Variants in LRP1B observed in about 807,000 individuals in gnomAD.
LRP1B encodes low-density lipoprotein receptor-related protein 1B.
In LRP1B, 217 loss-of-function variants were observed where a neutral mutation model predicts 556.6. The ratio of observed to expected loss-of-function variants is 0.39; its 90% CI spans 0.35 to 0.44. LRP1B has a LOEUF of 0.44. Ranked by LOEUF, LRP1B falls within the 20% of genes least tolerant of loss-of-function variation. The probability of loss-of-function intolerance (pLI) is 1.00; values close to 1 mark genes in which losing one functional copy is unlikely to be tolerated. For missense variants in LRP1B, 5,053 were observed against 5,620.8 expected (o/e 0.90, Z 3.23); for synonymous variants, 2,047 against 1,865.8 (o/e 1.10, Z -2.50).
intron 31 of LRP1B, among the ~76,000 whole-genome samples, chr2:140,819,230 C>A (rs1431981385): frequency 1.3e-5 from 2 of 152,102 alleles, no homozygotes; most frequent in Non-Finnish European, 2.9e-5. Context: ...CAAGCTAAGG[C>A]TCTATTCTAA....
At position 140,231,744 on chromosome 2, in the gene LRP1B, C is replaced by T. The variant is rs1680480376; in HGVS notation, c.*1442G>A. 6.6e-6 allele frequency: 1 copy of T among 151,338 alleles called. No individual in the cohort carries two copies. The highest frequency in any genetic ancestry group is 2.4e-5 in the African/African-American group (1 of 41,174). 9.4% of individuals were successfully genotyped at this position (151,338 alleles called of 1,614,324 possible). On this transcript the variant is annotated 3_prime_UTR_variant, in exon 91 of 91. Transcript: ENST00000389484. ...AACAGCAGTTTTTTTAATGCTTGTA[C>T]AAAGGGATAAAGAGCAACCACATAT...
At chr2:142,061,382 C>T (rs1175750600) in intron 1 of LRP1B, among the ~76,000 whole-genome samples, 1 of 151,938 alleles carries the variant, frequency 6.6e-6, no homozygotes, top group Non-Finnish European at 1.5e-5. Flanking sequence ...CAAGTCTGTT[C>T]CGAAACACAC....
chr2:140,544,482 C>A (rs1407151864), intron 43 of LRP1B, among the ~76,000 whole-genome samples: 1 of 152,066 alleles, frequency 6.6e-6, no homozygotes, highest in Non-Finnish European at 1.5e-5. Flanking sequence ...TCACCCTCTG[C>A]CCTCCAGTGG....
chr2:141,632,490 G>A (rs1487345246), intron 2 of LRP1B, among the ~76,000 whole-genome samples: 1 of 152,074 alleles, frequency 6.6e-6, no homozygotes, highest in African/African-American at 2.4e-5. Flanking sequence ...TTTCCGGGAG[G>A]CATTTCGACA....
At position 140,495,703 on chromosome 2, in the gene LRP1B, A is replaced by G; in HGVS notation, c.8896T>C (p.Cys2966Arg). ...GFQLKDDGKT[C>R]VDIDECSSGF... is the part of the protein sequence containing the mutation. ...GAAGAGCATTCATCAATGTCTACAC[A>G]TGTTTTGCCGTCATCCTTCAGTTGG... The change falls in exon 56 of 91, where the codon TGT (cysteine) becomes CGT (arginine). Residue 2966 changes from cysteine to arginine, a missense_variant. This residue lies in a region of LRP1B where 3,619 missense variants were observed against 3,931.9 expected (regional missense o/e 0.92). Transcript: ENST00000389484. 6.2e-7 allele frequency: 1 copy of G among 1,613,472 alleles called. No homozygotes were observed. Among genetic ancestry groups the G allele is most frequent in the Non-Finnish European group, 8.5e-7 (1 of 1,179,504 alleles).
At chr2:141,637,370 T>G (rs1371272477) in intron 2 of LRP1B, among the ~76,000 whole-genome samples, 1 of 152,204 alleles carries the variant, frequency 6.6e-6, no homozygotes, top group African/African-American at 2.4e-5. Flanking sequence ...CAATTAAAAT[T>G]AACTATTTAG....
At chr2:140,407,837 C>T (rs777625602) in intron 66 of LRP1B, among the ~76,000 whole-genome samples, 1 of 151,730 alleles carries the variant, frequency 6.6e-6, no homozygotes, top group African/African-American at 2.4e-5. Flanking sequence ...GGTACCTATC[C>T]AAAAGAAAAG....
chr2:141,639,422 A>AT (rs1422219990), intron 2 of LRP1B, among the ~76,000 whole-genome samples: 7 of 128,966 alleles, frequency 5.4e-5, no homozygotes, highest in South Asian at 2.6e-4. Context: ...ATATATATAT[A>AT]TTTTTTTTTG....
intron 2 of LRP1B, among the ~76,000 whole-genome samples, chr2:141,788,836 G>C (rs956982418): frequency 6.6e-6 from 1 of 151,976 alleles, no homozygotes; most frequent in Admixed American, 6.6e-5. Flanking sequence ...ATGGTTTCCA[G>C]CTTCATCCAT....
chr2:141,436,742 A>G (rs1680780198), intron 3 of LRP1B, among the ~76,000 whole-genome samples: 1 of 152,140 alleles, frequency 6.6e-6, no homozygotes, highest in South Asian at 2.1e-4. Context: ...TTGTAGATAA[A>G]TTGTTTTAGT....
intron 2 of LRP1B, among the ~76,000 whole-genome samples, chr2:141,679,625 GA>G (rs1691032552): frequency 6.6e-6 from 1 of 152,010 alleles, no homozygotes; most frequent in South Asian, 2.1e-4. Flanking sequence ...TGTGAGCAAA[GA>G]AATATAAATA....
At chr2:140,787,818 T>G (rs560898537) in intron 32 of LRP1B, among the ~76,000 whole-genome samples, 2 of 152,126 alleles carry the variant, frequency 1.3e-5, no homozygotes, top group East Asian at 3.9e-4. Context: ...CAAGTGATCT[T>G]CCTGCCTTGG....
intron 2 of LRP1B, among the ~76,000 whole-genome samples, chr2:141,713,838 T>A (rs538648123): frequency 6.6e-6 from 1 of 152,290 alleles, no homozygotes; most frequent in East Asian, 1.9e-4. Flanking sequence ...TGCTTGAAGA[T>A]CAGTCAAGTG....
intron 77 of LRP1B, among the ~76,000 whole-genome samples, chr2:140,336,923 A>C (rs1681133223): frequency 6.6e-6 from 1 of 151,884 alleles, no homozygotes; most frequent in Non-Finnish European, 1.5e-5. Context: ...GCAAGAGTAG[A>C]AACAATTATT....
chr2:142,117,291 G>A (rs73963448), intron 1 of LRP1B, among the ~76,000 whole-genome samples: 3,511 of 152,152 alleles, frequency 0.023, 58 homozygotes, highest in African/African-American at 0.039. Flanking sequence ...TCTCTCCCCC[G>A]ATTCTGCTTT....
intron 3 of LRP1B, among the ~76,000 whole-genome samples, chr2:141,321,290 A>T (rs1226363966): frequency 6.6e-6 from 1 of 152,096 alleles, no homozygotes; most frequent in Non-Finnish European, 1.5e-5. Flanking sequence ...ACAAACAAAC[A>T]TTGGCTTGTA....
intron 75 of LRP1B, among the ~76,000 whole-genome samples, chr2:140,354,134 G>C (rs986547974): frequency 1.3e-5 from 2 of 151,952 alleles, no homozygotes; most frequent in African/African-American, 4.8e-5. Flanking sequence ...TTTGTGTTTA[G>C]CCAGCATATT....
At chr2:140,364,822 T>C (rs1227478653) in intron 71 of LRP1B, 39 bp from the exon 72 acceptor site, 3 of 1,595,704 alleles carry the variant, frequency 1.9e-6, no homozygotes, top group Non-Finnish European at 2.6e-6. Flanking sequence ...AGATTCAGAG[T>C]AATCAGTGCC....
At chr2:141,586,670 C>T (rs994062637) in intron 2 of LRP1B, among the ~76,000 whole-genome samples, 1 of 152,038 alleles carries the variant, frequency 6.6e-6, no homozygotes, top group East Asian at 1.9e-4. Context: ...GGGCCGGGCG[C>T]GGTGGCTCAC....
Sources: allele counts gnomAD v4.1 joint callset (sites outside exome capture counted in the v4.1 genomes callset), GRCh38; gene constraint gnomAD v4.1.1; regional missense constraint gnomAD v4.1.1; transcripts MANE v1.5; gene names NCBI Gene and HGNC (gene_info 2026-07-23, HGNC 2026-07-21).